The following AGBL4 variants were observed in gnomAD, a reference collection of about 807,000 sequenced individuals.
AGBL4 encodes the protein AGBL carboxypeptidase 4.
In AGBL4, 58 loss-of-function variants were observed where a neutral mutation model predicts 66.4. That is an observed-to-expected ratio of 0.87 (90% confidence interval 0.71 to 1.09). The LOEUF is 1.09. Among genes scored for constraint, AGBL4 ranks in the 50% least tolerant of loss-of-function variants. The pLI is 0.00. For missense variants in AGBL4, 579 were observed against 631.0 expected, an observed-to-expected ratio of 0.92 and a Z score of 0.88; for synonymous variants, 234 against 222.9, an observed-to-expected ratio of 1.05 and a Z score of -0.44.
intron 6 of AGBL4, among the ~76,000 whole-genome samples, chr1:48,730,675 A>G (rs1054179701): frequency 2.0e-5 from 3 of 152,194 alleles, no homozygotes; most frequent in Admixed American, 2.0e-4. Flanking sequence ...AAAGCTTCTC[A>G]GGTTGATTAA....
At chr1:49,996,476 G>A (rs927862544) in intron 1 of AGBL4, among the ~76,000 whole-genome samples, 3 of 152,040 alleles carry the variant, frequency 2.0e-5, no homozygotes, top group East Asian at 1.9e-4. Flanking sequence ...TTCAGAGCTC[G>A]AAGATGCTTC....
intron 1 of AGBL4, among the ~76,000 whole-genome samples, chr1:49,877,869 C>T (rs1473921419): frequency 6.6e-6 from 1 of 151,978 alleles, no homozygotes; most frequent in African/African-American, 2.4e-5. Flanking sequence ...GATTCAACTT[C>T]TTCCTGGTTT....
At chr1:48,703,499 T>C (rs866054802) in intron 6 of AGBL4, among the ~76,000 whole-genome samples, 1 of 152,000 alleles carries the variant, frequency 6.6e-6, no homozygotes, top group African/African-American at 2.4e-5. Flanking sequence ...CTGGTAGGGA[T>C]GGGGTATAAA....
At chr1:49,079,967 G>GGAA (rs1198558619) in intron 4 of AGBL4, among the ~76,000 whole-genome samples, 4 of 152,136 alleles carry the variant, frequency 2.6e-5, no homozygotes, top group Admixed American at 2.6e-4. Context: ...AAAAAAGAAG[G>GGAA]GAAGAGAAGG....
chr1:49,698,299 T>G (rs542724991), intron 2 of AGBL4, among the ~76,000 whole-genome samples: 1 of 152,128 alleles, frequency 6.6e-6, no homozygotes. Flanking sequence ...AACATGAAAA[T>G]TTATTTCTAT....
chr1:49,134,660 G>A (rs946440106), intron 4 of AGBL4, among the ~76,000 whole-genome samples: 2 of 151,732 alleles, frequency 1.3e-5, no homozygotes, highest in African/African-American at 2.4e-5. Context: ...TTCCCTGAAC[G>A]TTGCTGTTAT....
intron 11 of AGBL4, among the ~76,000 whole-genome samples, chr1:48,583,672 T>C (rs941161067): frequency 6.6e-6 from 1 of 152,166 alleles, no homozygotes. Flanking sequence ...TCACGGATGA[T>C]GTTGGTGCTG....
intron 3 of AGBL4, among the ~76,000 whole-genome samples, chr1:49,558,170 T>C (rs1643947957): frequency 6.6e-6 from 1 of 151,994 alleles, no homozygotes; most frequent in African/African-American, 2.4e-5. Flanking sequence ...CTTAGGCTTG[T>C]TGGCTTCAGG....
chr1:49,469,291 T>A (rs561871161), intron 3 of AGBL4, among the ~76,000 whole-genome samples: 1 of 151,844 alleles, frequency 6.6e-6, no homozygotes, highest in South Asian at 2.1e-4. Flanking sequence ...ATCTTTTAAA[T>A]TTTTTAAAAT....
chr1:49,836,789 A>G (rs1368912620), intron 2 of AGBL4, among the ~76,000 whole-genome samples: 1 of 152,014 alleles, frequency 6.6e-6, no homozygotes, highest in Non-Finnish European at 1.5e-5. Flanking sequence ...GTTGATGTTG[A>G]TGCTATTCCT....
intron 9 of AGBL4, among the ~76,000 whole-genome samples, chr1:48,607,878 T>C (rs561203250): frequency 1.3e-5 from 2 of 152,186 alleles, no homozygotes; most frequent in Non-Finnish European, 2.9e-5. Flanking sequence ...ACAGCTCACA[T>C]TGGACATCAT....
intron 1 of AGBL4, among the ~76,000 whole-genome samples, chr1:49,960,807 A>T (rs186597541): frequency 6.6e-6 from 1 of 152,120 alleles, no homozygotes; most frequent in South Asian, 2.1e-4. Context: ...CATGTAGCTC[A>T]TAAGTAGGTT....
chr1:49,677,021 C>A lies in AGBL4; in HGVS notation c.282+20292G>T, dbSNP rs557708680. ...ATCTGCCAGGAATATTCTTTTTTTT[C>A]TTTGTTTAAAGAATATCTATTATTT... On this transcript the variant is annotated intron_variant, in intron 3 of 13. Transcript: ENST00000371839. 4.0e-5 allele frequency among the ~76,000 whole-genome samples: 6 copies of A among 151,604 alleles called. No homozygotes were observed. The South Asian group carries it at 1.2e-3, about 32-fold the overall frequency.
intron 1 of AGBL4, among the ~76,000 whole-genome samples, chr1:49,919,750 T>C (rs1354240031): frequency 5.3e-5 from 8 of 151,664 alleles, no homozygotes; most frequent in Non-Finnish European, 8.8e-5. Context: ...TTAAAGTTCA[T>C]ATGGAACCAA....
chr1:49,847,530 T>A (rs573200701), intron 2 of AGBL4, among the ~76,000 whole-genome samples: 2 of 152,128 alleles, frequency 1.3e-5, no homozygotes, highest in South Asian at 4.2e-4. Flanking sequence ...GGGACTAATA[T>A]CCAAATTTTA....
intron 1 of AGBL4, among the ~76,000 whole-genome samples, chr1:49,900,560 A>G (rs756823742): frequency 2.6e-5 from 4 of 152,142 alleles, no homozygotes; most frequent in African/African-American, 4.8e-5. Context: ...GAGGTTTTAT[A>G]AAGTCAAGAA....
intron 3 of AGBL4, among the ~76,000 whole-genome samples, chr1:49,419,563 G>A (rs535106065): frequency 1.3e-5 from 2 of 152,076 alleles, no homozygotes; most frequent in Admixed American, 6.5e-5. Context: ...CATCTCCCAC[G>A]TAGGCATCTA....
intron 3 of AGBL4, among the ~76,000 whole-genome samples, chr1:49,454,767 T>TA: frequency 6.6e-6 from 1 of 151,766 alleles, no homozygotes; most frequent in South Asian, 2.1e-4. Context: ...GTGAGTCTCA[T>TA]AAGTCTCATA....
At chr1:48,759,264 C>T (rs749096188) in intron 6 of AGBL4, 18 of 1,561,454 alleles carry the variant, frequency 1.2e-5, no homozygotes, top group Non-Finnish European at 1.5e-5. Flanking sequence ...CCACTTCGCT[C>T]GGCTTCCGCC....
Sources: gnomAD v4.1 joint callset for allele counts (sites outside exome capture counted in the v4.1 genomes callset) on GRCh38, gnomAD v4.1.1 for gene constraint, MANE v1.5 for transcripts, NCBI Gene and HGNC (gene_info 2026-07-23, HGNC 2026-07-21) for gene names.